Variants in USP15 observed in about 807,000 individuals in gnomAD.
The protein encoded by USP15 is ubiquitin carboxyl-terminal hydrolase 15.
USP15 carries 18 observed loss-of-function variants against 127.1 expected under a neutral mutation model. That is an observed-to-expected ratio of 0.14 (90% CI 0.10 to 0.21). The LOEUF is 0.21. Among genes scored for constraint, USP15 ranks in the 10% least tolerant of loss-of-function variants. The probability of loss-of-function intolerance (pLI) is 1.00; values close to 1 mark genes in which losing one functional copy is unlikely to be tolerated. For synonymous variants in USP15, 364 were observed against 393.7 expected (o/e 0.92, Z 0.89); for missense variants, 805 against 1,159.9 (o/e 0.69, Z 4.44).
At chr12:62,404,061 CATTT>C in intron 21 of USP15, 128 bp from the exon 22 acceptor site, 1 of 715,978 alleles carries the variant, frequency 1.4e-6, no homozygotes, top group Non-Finnish European at 1.8e-6. Context: ...TAGTAACTTC[CATTT>C]GACCATGCAT....
At chr12:62,265,528 A>G (rs1372075597) in intron 1 of USP15, among the ~76,000 whole-genome samples, 2 of 152,318 alleles carry the variant, frequency 1.3e-5, no homozygotes, top group East Asian at 3.9e-4. Flanking sequence ...GCACTGTACC[A>G]CATTGCCTCT....
At chr12:62,294,490 G>A (rs1265977344) in intron 2 of USP15, 184 bp downstream of exon 2, 1 of 547,686 alleles carries the variant, frequency 1.8e-6, no homozygotes, top group African/African-American at 2.0e-5. Flanking sequence ...TATTCTGTAT[G>A]ACAAGTTTTG....
intron 8 of USP15, among the ~76,000 whole-genome samples, chr12:62,362,537 A>G (rs2066351529): frequency 6.6e-6 from 1 of 152,162 alleles, no homozygotes; most frequent in African/African-American, 2.4e-5. Flanking sequence ...TTCATCCTTC[A>G]ATGACAAAGT....
chr12:62,305,687 A>G (rs1190475469), intron 3 of USP15: 1 of 152,184 alleles, frequency 6.6e-6, no homozygotes, highest in Non-Finnish European at 1.5e-5. Flanking sequence ...GAAAATGTGT[A>G]TAGAATTAAC....
chr12:62,323,782 C>T (rs1170088946), intron 5 of USP15, among the ~76,000 whole-genome samples: 1 of 152,062 alleles, frequency 6.6e-6, no homozygotes, highest in Non-Finnish European at 1.5e-5. Context: ...TCATCGTGTA[C>T]ATTAGAAAAC....
intron 1 of USP15, among the ~76,000 whole-genome samples, chr12:62,292,867 G>A (rs1001978768): frequency 2.6e-5 from 4 of 152,294 alleles, no homozygotes; most frequent in African/African-American, 9.6e-5. Flanking sequence ...GCAGCACCCC[G>A]GGTCTAACTA....
intron 4 of USP15, among the ~76,000 whole-genome samples, chr12:62,316,532 G>C (rs981353228): frequency 1.3e-5 from 2 of 151,738 alleles, no homozygotes; most frequent in South Asian, 2.1e-4. Flanking sequence ...ATTTAATAAG[G>C]GTAGTCTGTT....
chr12:62,335,291 C>A, intron 6 of USP15: 1 of 1,493,954 alleles, frequency 6.7e-7, no homozygotes. Flanking sequence ...CTGATATTAA[C>A]TCCACAAATG....
chr12:62,312,748 A>G (rs1392630934), intron 3 of USP15, among the ~76,000 whole-genome samples: 3 of 151,636 alleles, frequency 2.0e-5, no homozygotes, highest in Non-Finnish European at 3.0e-5. Flanking sequence ...GGTAAATAAA[A>G]CTATACTTTT....
At chr12:62,275,200 A>T (rs1388567695) in intron 1 of USP15, among the ~76,000 whole-genome samples, 1 of 151,928 alleles carries the variant, frequency 6.6e-6, no homozygotes, top group Non-Finnish European at 1.5e-5. Context: ...TGGAAAATCC[A>T]AGTTGACATG....
chr12:62,396,516 T>TATATGCA, intron 20 of USP15, 118 bp downstream of exon 20: 1 of 845,060 alleles, frequency 1.2e-6, no homozygotes, highest in Non-Finnish European at 1.9e-6. Flanking sequence ...TTGCATATAG[T>TATATGCA]AGTTCAGTAT....
chr12:62,335,981 A>T (rs2065450213), intron 6 of USP15: 1 of 985,288 alleles, frequency 1.0e-6, no homozygotes, highest in African/African-American at 1.7e-5. Flanking sequence ...TTAGTTTTGC[A>T]AATTGTGCAC....
intron 2 of USP15, among the ~76,000 whole-genome samples, chr12:62,297,197 A>G (rs1246299190): frequency 6.6e-6 from 1 of 152,198 alleles, no homozygotes; most frequent in South Asian, 2.1e-4. Context: ...GAAGTTAACA[A>G]CAAAAGAAAA....
chr12:62,365,902 A>G (rs545609755), intron 8 of USP15, among the ~76,000 whole-genome samples: 239 of 152,194 alleles, frequency 1.6e-3, no homozygotes, highest in Admixed American at 2.4e-3. Context: ...GTTCTGTTGC[A>G]TTGGTCTATA....
At chr12:62,272,344 A>G (rs1030286039) in intron 1 of USP15, among the ~76,000 whole-genome samples, 3 of 151,966 alleles carry the variant, frequency 2.0e-5, no homozygotes, top group African/African-American at 7.2e-5. Flanking sequence ...CCTACTCTGT[A>G]AAGAGGCAGA....
intron 3 of USP15, among the ~76,000 whole-genome samples, chr12:62,313,846 A>G (rs1163039679): frequency 2.6e-5 from 4 of 151,732 alleles, no homozygotes; most frequent in Non-Finnish European, 4.4e-5. Flanking sequence ...CTGCATTTGA[A>G]TTTTTTCAAT....
intron 8 of USP15, among the ~76,000 whole-genome samples, chr12:62,368,735 C>T (rs1303387029): frequency 6.6e-6 from 1 of 152,138 alleles, no homozygotes; most frequent in Non-Finnish European, 1.5e-5. Flanking sequence ...GAATACAGCA[C>T]ATTCATGGGT....
rs115534457 is a variant in USP15 at position 62,391,547 on chromosome 12, C to T, written c.2233+118C>T. On this transcript the variant is annotated intron_variant, in intron 16 of 21. Coordinates refer to ENST00000280377, the MANE Select transcript of USP15 (RefSeq NM_001252078.2). ...AAATATACCATTTACTTTTCTATCT[C>T]AAATTTTACATGAAAGGACTTAATA... 4.6e-4 allele frequency: 597 copies of T among 1,301,134 alleles called. 2 individuals are homozygous for T. The African/African-American group carries it at 8.3e-3, about 18-fold the overall frequency. The allele number at this position is 1,301,134 out of a possible 1,614,324, so 80.6% of individuals were successfully genotyped here.
chr12:62,304,088 A>T (rs1342287937), intron 3 of USP15, among the ~76,000 whole-genome samples: 2 of 151,994 alleles, frequency 1.3e-5, no homozygotes, highest in Non-Finnish European at 2.9e-5. Flanking sequence ...TTAATGATAC[A>T]CTTTTTTTTC....
Sources: allele counts gnomAD v4.1 joint callset (sites outside exome capture counted in the v4.1 genomes callset), GRCh38; gene constraint gnomAD v4.1.1; transcripts MANE v1.5; gene names NCBI Gene and HGNC (gene_info 2026-07-23, HGNC 2026-07-21).